Variants in SUSD4 observed in about 807,000 individuals in gnomAD.
SUSD4 encodes sushi domain-containing protein 4.
Under a neutral mutation model 50.5 loss-of-function variants are expected in SUSD4, and 41 were observed. That is an observed-to-expected ratio of 0.81 (90% CI 0.63 to 1.05). SUSD4 has a LOEUF of 1.05. SUSD4 is among the 50% of genes least tolerant of loss of function. The probability of loss-of-function intolerance (pLI) is 0.00; values close to 1 mark genes in which losing one functional copy is unlikely to be tolerated. For synonymous variants in SUSD4, 257 were observed against 257.3 expected (o/e 1.00, Z 0.01); for missense variants, 580 against 634.7 (o/e 0.91, Z 0.93).
At chr1:223,330,677 C>T (rs1667124789) in intron 2 of SUSD4, among the ~76,000 whole-genome samples, 1 of 152,190 alleles carries the variant, frequency 6.6e-6, no homozygotes, top group African/African-American at 2.4e-5. Context: ...AGCTAATGTA[C>T]AGTTAGCACC....
At chr1:223,249,974 A>G (rs930610719) in intron 5 of SUSD4, among the ~76,000 whole-genome samples, 2 of 152,220 alleles carry the variant, frequency 1.3e-5, no homozygotes, top group Non-Finnish European at 2.9e-5. Context: ...TAAGAAAATC[A>G]GTGGATTAAT....
chr1:223,257,966 T>G (rs1032414741), intron 5 of SUSD4, among the ~76,000 whole-genome samples: 12 of 152,308 alleles, frequency 7.9e-5, no homozygotes, highest in South Asian at 4.1e-4. Flanking sequence ...TTTCCATTTG[T>G]AAAACGGGAG....
intron 3 of SUSD4, among the ~76,000 whole-genome samples, chr1:223,291,534 A>G (rs1664493469): frequency 6.6e-6 from 1 of 151,816 alleles, no homozygotes; most frequent in Admixed American, 6.6e-5. Flanking sequence ...TTTAAAAAGT[A>G]AAAAGTTTCA....
At chr1:223,322,625 T>C (rs1453383103) in intron 2 of SUSD4, among the ~76,000 whole-genome samples, 1 of 152,084 alleles carries the variant, frequency 6.6e-6, no homozygotes, top group African/African-American at 2.4e-5. Context: ...GGTGTGTGTG[T>C]GTGTATGGTG....
chr1:223,316,444 G>A (rs917935818), intron 2 of SUSD4, among the ~76,000 whole-genome samples: 1 of 152,100 alleles, frequency 6.6e-6, no homozygotes, highest in African/African-American at 2.4e-5. Context: ...CACACTCCTG[G>A]CCACATGGGA....
At chr1:223,274,280 C>T (rs1367301840) in intron 3 of SUSD4, among the ~76,000 whole-genome samples, 6 of 152,098 alleles carry the variant, frequency 3.9e-5, no homozygotes. Context: ...CAGCAATTAA[C>T]GAAAGGCAGA....
At chr1:223,288,167 G>A (rs1664263306) in intron 3 of SUSD4, among the ~76,000 whole-genome samples, 1 of 152,168 alleles carries the variant, frequency 6.6e-6, no homozygotes, top group African/African-American at 2.4e-5. Context: ...CCTGATGGGA[G>A]GTGATTGGAT....
intron 2 of SUSD4, among the ~76,000 whole-genome samples, chr1:223,308,074 T>C (rs1665653837): frequency 6.6e-6 from 1 of 152,192 alleles, no homozygotes; most frequent in Non-Finnish European, 1.5e-5. Context: ...TGTTTTCATC[T>C]TTTTTTAAGG....
chr1:223,365,234 G>A (rs1214112158), upstream of SUSD4, among the ~76,000 whole-genome samples: 1 of 142,034 alleles, frequency 7.0e-6, no homozygotes, highest in Non-Finnish European at 1.6e-5. Context: ...TCGGAGCTCA[G>A]CCCGCAGTGG....
chr1:223,350,928 C>T (rs1277497714), intron 2 of SUSD4, among the ~76,000 whole-genome samples: 3 of 152,154 alleles, frequency 2.0e-5, no homozygotes, highest in Admixed American at 6.6e-5. Flanking sequence ...AAAGATAAAT[C>T]GGTTGTGGAT....
At chr1:223,268,941 T>C (rs987642206) in intron 3 of SUSD4, among the ~76,000 whole-genome samples, 1 of 152,178 alleles carries the variant, frequency 6.6e-6, no homozygotes, top group African/African-American at 2.4e-5. Flanking sequence ...CCTGTGACAC[T>C]TCAAACCGTA....
At position 223,220,950 on chromosome 1, in the gene SUSD4, TA is replaced by T; in HGVS notation, c.*1241del. On this transcript the variant is annotated 3_prime_UTR_variant, in exon 9 of 9. Transcript: ENST00000366878. ...GATCAGAGCTTTGTTTACATTTGTC[TA>T]AAACCAAGAGAAGGAAAGGAATCAA... The T allele has an allele frequency of 2.5e-6, 1 of 400,638 alleles. No homozygotes were observed. The highest frequency in any genetic ancestry group is 4.4e-6 in the Non-Finnish European group (1 of 226,228). The allele number at this position is 400,638 out of a possible 1,614,324, so 24.8% of individuals were successfully genotyped here. A position where few individuals can be genotyped will look rare whatever the true frequency, so the allele number is the denominator to read the frequency against.
intron 8 of SUSD4, 92 bp downstream of exon 8, chr1:223,223,157 G>T (rs779413214): frequency 7.5e-6 from 11 of 1,476,230 alleles, no homozygotes; most frequent in African/African-American, 2.8e-5. Context: ...CTCTGTGCTG[G>T]GGGGTGGAGC....
chr1:223,232,577 C>A (rs1005265507), intron 5 of SUSD4, among the ~76,000 whole-genome samples: 2 of 152,206 alleles, frequency 1.3e-5, no homozygotes, highest in African/African-American at 2.4e-5. Context: ...AGTTTGTTAT[C>A]AGCAGCATTT....
chr1:223,281,898 G>C (rs1223988619), intron 3 of SUSD4, among the ~76,000 whole-genome samples: 1 of 152,164 alleles, frequency 6.6e-6, no homozygotes, highest in Non-Finnish European at 1.5e-5. Flanking sequence ...CCACGATCAA[G>C]TGGGCTTCAT....
At chr1:223,261,001 AGAGTT>A (rs1662081858) in intron 5 of SUSD4, among the ~76,000 whole-genome samples, 2 of 152,198 alleles carry the variant, frequency 1.3e-5, no homozygotes, top group Admixed American at 1.3e-4. Flanking sequence ...CCATGCGCCA[AGAGTT>A]GAAGGGTCAG....
At chr1:223,261,504 A>G (rs1662119212) in intron 5 of SUSD4, among the ~76,000 whole-genome samples, 1 of 152,200 alleles carries the variant, frequency 6.6e-6, no homozygotes, top group South Asian at 2.1e-4. Flanking sequence ...ACCTGCTTCC[A>G]AATGGCATTA....
intron 5 of SUSD4, among the ~76,000 whole-genome samples, chr1:223,250,448 CA>C (rs956403846): frequency 6.6e-6 from 1 of 152,106 alleles, no homozygotes; most frequent in Non-Finnish European, 1.5e-5. Flanking sequence ...GCCTCATTTG[CA>C]AAGATAAGGG....
intron 2 of SUSD4, among the ~76,000 whole-genome samples, chr1:223,313,401 G>C (rs1665994959): frequency 2.0e-5 from 3 of 152,190 alleles, no homozygotes; most frequent in Admixed American, 1.3e-4. Context: ...GGACATGAAA[G>C]ATTTGCATTT....
Sources: gnomAD v4.1 joint callset for allele counts (sites outside exome capture counted in the v4.1 genomes callset) on GRCh38, gnomAD v4.1.1 for gene constraint, MANE v1.5 for transcripts, NCBI Gene and HGNC (gene_info 2026-07-23, HGNC 2026-07-21) for gene names.